Variants in RASGRP1 observed in about 807,000 individuals in gnomAD.
RASGRP1 encodes RAS guanyl-releasing protein 1.
Under a neutral mutation model 95.1 loss-of-function variants are expected in RASGRP1, and 37 were observed. The observed-to-expected ratio is 0.39, with a 90% CI of 0.30 to 0.51. The LOEUF (loss-of-function observed/expected upper bound fraction) is 0.51. Ranked by LOEUF, RASGRP1 falls within the 20% of genes least tolerant of loss-of-function variation. The pLI, the probability that RASGRP1 is intolerant of heterozygous loss-of-function variation, is 0.80. For synonymous variants in RASGRP1, 325 were observed against 353.4 expected (o/e 0.92, Z 0.90); for missense variants, 711 against 965.4 (o/e 0.74, Z 3.49).
chr15:38,553,450 T>C (rs1893417382), intron 2 of RASGRP1, among the ~76,000 whole-genome samples: 1 of 152,208 alleles, frequency 6.6e-6, no homozygotes, highest in African/African-American at 2.4e-5. Context: ...CATAATCTGT[T>C]GCCAAAGTAG....
rs749677451 is a variant in RASGRP1, at chr15:38,494,315, C to T, written c.2259+67G>A. The T allele has an allele frequency of 4.5e-6, 7 of 1,567,552 alleles. No homozygotes were observed. The South Asian group carries it at 8.0e-5, about 18-fold the overall frequency. ...CTGATCTGAATCTTCAGTCCACATG[C>T]TCTTTCCTGGTTTGGCCCCACTTCT... is the stretch of plus-strand genomic sequence containing the variant. On this transcript the variant is annotated intron_variant, in intron 16 of 16. Coordinates refer to ENST00000310803, the MANE Select transcript of RASGRP1 (RefSeq NM_005739.4).
intron 6 of RASGRP1, among the ~76,000 whole-genome samples, chr15:38,515,387 T>C (rs1431188310): frequency 1.3e-5 from 2 of 152,192 alleles, no homozygotes; most frequent in Non-Finnish European, 2.9e-5. Context: ...CTAAGTGGAA[T>C]AAGGGTTTCA....
chr15:38,505,931 A>G lies in RASGRP1; in HGVS notation c.1243-11T>C, dbSNP rs757253955. 2.5e-6 allele frequency: 4 copies of G among 1,595,202 alleles called. No homozygotes were observed. In the East Asian group the frequency reaches 9.0e-5, roughly 36 times the overall value. On this transcript the variant is annotated splice_polypyrimidine_tract_variant and intron_variant, in intron 9 of 16. Transcript: ENST00000310803. ...AAGATCCAGGGATAACTGCAGATCA[A>G]AGCAGAACAGGGTTCATTGCTAAGA...
chr15:38,516,442 A>G, intron 5 of RASGRP1, 92 bp from the exon 6 acceptor site: 1 of 1,422,538 alleles, frequency 7.0e-7, no homozygotes, highest in Non-Finnish European at 9.8e-7. Context: ...ACAAGAATAT[A>G]CAAAACACCA....
intron 2 of RASGRP1, among the ~76,000 whole-genome samples, chr15:38,532,984 G>T (rs1892506475): frequency 6.6e-6 from 1 of 152,124 alleles, no homozygotes; most frequent in African/African-American, 2.4e-5. Flanking sequence ...GGCTTGTCTG[G>T]GGGATGAGAT....
intron 2 of RASGRP1, among the ~76,000 whole-genome samples, chr15:38,532,506 C>T (rs778482836): frequency 1.3e-5 from 2 of 152,152 alleles, no homozygotes; most frequent in Admixed American, 1.3e-4. Context: ...TATTTTCCAC[C>T]GTTAGACTCA....
At chr15:38,518,190 G>C in intron 5 of RASGRP1, 102 bp downstream of exon 5, 3 of 1,121,528 alleles carry the variant, frequency 2.7e-6, no homozygotes, top group South Asian at 2.9e-5. Context: ...TGGAGAAAGA[G>C]AGCAGCAGTC....
chr15:38,564,570 A>G (rs1217564137), intron 1 of RASGRP1, 24 bp downstream of exon 1: 25 of 1,367,612 alleles, frequency 1.8e-5, no homozygotes, highest in Non-Finnish European at 2.3e-5. Context: ...GGCGCTCCCG[A>G]GGGCCACGGC....
At chr15:38,550,250 AAAAAAAAAAG>A (rs1409261559) in intron 2 of RASGRP1, among the ~76,000 whole-genome samples, 8 of 151,544 alleles carry the variant, frequency 5.3e-5, no homozygotes. Flanking sequence ...GCCAAAAAAA[AAAAAAAAAAG>A]AAAAGAAAAG....
In RASGRP1 at chr15:38,490,567, C is replaced by T. The variant is rs759241268; in HGVS notation, c.2381G>A (p.Gly794Asp). ...TTAGTTTCTGGGCTAAGAACAGTCA[C>T]CCTGCTCCATTTGAGCTAAGACATG... ...SNHVLAQMEQ[G>D]DCS is the part of the protein sequence containing the mutation. The change falls in exon 17 of 17, where the codon GGT becomes GAT. Residue 794 changes from glycine to aspartate, a missense_variant. Around this residue, in one of 3 missense-constraint regions of RASGRP1, gnomAD observed 212 missense variants for 247.8 expected, o/e 0.86. Coordinates refer to ENST00000310803, the MANE Select transcript of RASGRP1 (RefSeq NM_005739.4). 1.1e-5 allele frequency: 18 copies of T among 1,612,938 alleles called. 1 individual carries two copies. In the South Asian group the frequency reaches 1.6e-4, roughly 15 times the overall value.
At chr15:38,492,974 A>G (rs1048630497) in intron 16 of RASGRP1, among the ~76,000 whole-genome samples, 7 of 148,524 alleles carry the variant, frequency 4.7e-5, no homozygotes, top group Non-Finnish European at 8.9e-5. Context: ...TCCGCCTCCC[A>G]GGTTCATGCC....
intron 2 of RASGRP1, among the ~76,000 whole-genome samples, chr15:38,531,968 C>T (rs868313413): frequency 6.6e-6 from 1 of 152,108 alleles, no homozygotes; most frequent in Middle Eastern, 3.2e-3. Flanking sequence ...ACAACCTCAT[C>T]GGGGATACGT....
chr15:38,507,936 A>G lies in RASGRP1; in HGVS notation c.1032T>C (p.Tyr344=), dbSNP rs2141104420. The change falls in exon 9 of 17, where the codon TAT becomes TAC. Residue 344 remains tyrosine, a synonymous_variant. Coordinates refer to ENST00000310803, the MANE Select transcript of RASGRP1 (RefSeq NM_005739.4). ...GGATCTTGAAGTCGGTGCACTCTCC[A>G]TAGGCTCGCCGGTAATTGTCGTAGT... The part of the protein sequence containing the change: ...SRNYDNYRRA[Y]GECTDFKIPI... 2 of 1,612,592 alleles carry G rather than the reference A, an allele frequency of 1.2e-6. No individual in the cohort carries two copies. The highest frequency in any genetic ancestry group is 1.7e-6 in the Non-Finnish European group (2 of 1,179,452).
At chr15:38,557,599 A>ATGTGTGTGTGTG (rs1228086838) in intron 2 of RASGRP1, among the ~76,000 whole-genome samples, 1 of 119,334 alleles carries the variant, frequency 8.4e-6, no homozygotes, top group Non-Finnish European at 1.7e-5. Context: ...CTTTGTATAT[A>ATGTGTGTGTGTG]TATGTGTGTG....
intron 14 of RASGRP1, 76 bp downstream of exon 14, chr15:38,500,027 A>G (rs1389868822): frequency 6.9e-7 from 1 of 1,441,140 alleles, no homozygotes; most frequent in African/African-American, 1.4e-5. Context: ...TAAATTACCC[A>G]GTCTCAGGCA....
chr15:38,498,657 G>A (rs1261251813), intron 15 of RASGRP1, 137 bp downstream of exon 15: 1 of 1,046,428 alleles, frequency 9.6e-7, no homozygotes, highest in African/African-American at 1.6e-5. Context: ...CCAAAACTGT[G>A]GGAGGGGTCA....
At chr15:38,499,163 A>G (rs1223294383) in intron 14 of RASGRP1, 1 of 702,884 alleles carries the variant, frequency 1.4e-6, no homozygotes, top group Non-Finnish European at 2.6e-6. Flanking sequence ...GAATCTCAGC[A>G]TCAGAAGCAG....
intron 2 of RASGRP1, among the ~76,000 whole-genome samples, chr15:38,547,980 T>G (rs1382544367): frequency 6.6e-6 from 1 of 151,944 alleles, no homozygotes; most frequent in Non-Finnish European, 1.5e-5. Flanking sequence ...CCAGGTTTTT[T>G]TTTTTTTTTT....
intron 1 of RASGRP1, among the ~76,000 whole-genome samples, chr15:38,560,430 C>T (rs1472320586): frequency 6.6e-6 from 1 of 152,124 alleles, no homozygotes; most frequent in African/African-American, 2.4e-5. Context: ...GTCTGTAATC[C>T]CAGCACCTTG....
Sources: allele counts gnomAD v4.1 joint callset (sites outside exome capture counted in the v4.1 genomes callset), GRCh38; gene constraint gnomAD v4.1.1; regional missense constraint gnomAD v4.1.1; transcripts MANE v1.5; gene names NCBI Gene and HGNC (gene_info 2026-07-23, HGNC 2026-07-21).